Variants in C2orf80 observed in about 807,000 individuals in gnomAD.
The protein encoded by C2orf80 is uncharacterized protein C2orf80.
In C2orf80, 28 loss-of-function variants were observed where a neutral mutation model predicts 30.2. The observed-to-expected ratio is 0.93, with a 90% CI of 0.69 to 1.27. C2orf80 has a LOEUF of 1.27. C2orf80 is among the 50% of genes most tolerant of loss of function. The probability of loss-of-function intolerance (pLI) is 0.00; values close to 1 mark genes in which losing one functional copy is unlikely to be tolerated. For missense variants in C2orf80, 220 were observed against 231.0 expected, an observed-to-expected ratio of 0.95 and a Z score of 0.31; for synonymous variants, 80 against 76.4, an observed-to-expected ratio of 1.05 and a Z score of -0.24.
chr2:208,180,690 C>T, intron 6 of C2orf80, 55 bp downstream of exon 6: 1 of 1,334,632 alleles, frequency 7.5e-7, no homozygotes, highest in South Asian at 1.2e-5. Context: ...CATTTATACA[C>T]TAAATAAATT....
chr2:208,177,741 A>T (rs192326673), intron 6 of C2orf80, among the ~76,000 whole-genome samples: 1 of 152,260 alleles, frequency 6.6e-6, no homozygotes, highest in Admixed American at 6.5e-5. Flanking sequence ...GAGTGATCAG[A>T]TGGATAGGTA....
chr2:208,174,879 C>T (rs1696230967), intron 6 of C2orf80, among the ~76,000 whole-genome samples: 1 of 152,218 alleles, frequency 6.6e-6, no homozygotes, highest in African/African-American at 2.4e-5. Context: ...TGCTCATTTC[C>T]ACTCTCTCTG....
At chr2:208,181,124 A>G in intron 5 of C2orf80, 94 bp downstream of exon 5, 1 of 960,430 alleles carries the variant, frequency 1.0e-6, no homozygotes, top group Admixed American at 2.2e-5. Context: ...ATTTAGAAAC[A>G]TTGGTTGAAA....
rs766985437 is a variant in C2orf80 at position 208,182,962 on chromosome 2, T to C, written c.206+3A>G. On this transcript the variant is annotated splice_donor_region_variant and intron_variant, in intron 4 of 8. Coordinates refer to ENST00000341287, the MANE Select transcript of C2orf80 (RefSeq NM_001099334.3). ...GGAAAGCAACAAACCTACTTCAACT[T>C]ACAGTTCCTCCCACTCCAGCCAAGT... is the stretch of plus-strand genomic sequence containing the variant. 13 of 1,611,370 alleles carry C rather than the reference T, an allele frequency of 8.1e-6. No individual in the cohort carries two copies. The South Asian group carries it at 1.2e-4, about 15-fold the overall frequency.
chr2:208,177,982 A>C (rs1696420238), intron 6 of C2orf80, among the ~76,000 whole-genome samples: 1 of 151,590 alleles, frequency 6.6e-6, no homozygotes, highest in South Asian at 2.1e-4. Flanking sequence ...ACGCCCCGCT[A>C]ATTTTTTGTG....
chr2:208,187,503 T>C (rs1037990488), intron 1 of C2orf80, among the ~76,000 whole-genome samples: 3 of 152,138 alleles, frequency 2.0e-5, no homozygotes, highest in African/African-American at 7.2e-5. Flanking sequence ...ACTCTCCTAT[T>C]GCCAGGAGAT....
At chr2:208,176,949 ATATC>A (rs1696346801) in intron 6 of C2orf80, among the ~76,000 whole-genome samples, 1 of 107,986 alleles carries the variant, frequency 9.3e-6, no homozygotes, top group African/African-American at 3.5e-5. Context: ...ATCTGTATAC[ATATC>A]TGTATACATA....
chr2:208,171,170 G>C, intron 7 of C2orf80, 107 bp from the exon 8 acceptor site: 3 of 796,156 alleles, frequency 3.8e-6, no homozygotes, highest in Non-Finnish European at 6.2e-6. Flanking sequence ...TTTTGAGACA[G>C]GGTCTCACTT....
At chr2:208,171,488 T>C (rs1418941518) in intron 7 of C2orf80, among the ~76,000 whole-genome samples, 3 of 152,088 alleles carry the variant, frequency 2.0e-5, no homozygotes, top group Non-Finnish European at 4.4e-5. Context: ...ACCCAGCTAA[T>C]TTTTGTATTT....
intron 7 of C2orf80, 48 bp downstream of exon 7, chr2:208,171,940 C>T (rs1275977385): frequency 3.4e-6 from 5 of 1,480,550 alleles, no homozygotes; most frequent in Non-Finnish European, 4.7e-6. Context: ...TCCTAATTTC[C>T]TAGTTTGACT....
At chr2:208,166,029 TC>T (rs1695876453) in intron 8 of C2orf80, among the ~76,000 whole-genome samples, 1 of 152,164 alleles carries the variant, frequency 6.6e-6, no homozygotes, top group African/African-American at 2.4e-5. Flanking sequence ...CAATATGTGA[TC>T]CCATACTGGA....
chr2:208,170,091 T>C (rs78933523), intron 8 of C2orf80, among the ~76,000 whole-genome samples: 6,468 of 152,306 alleles, frequency 0.042, 172 homozygotes, highest in Middle Eastern at 0.13. Context: ...TGTTTCCTGA[T>C]GCAAACCCAA....
intron 6 of C2orf80, among the ~76,000 whole-genome samples, chr2:208,176,936 CATA>C (rs1696338371): frequency 1.2e-5 from 1 of 80,398 alleles, no homozygotes; most frequent in Admixed American, 1.1e-4. Context: ...CATATGTATA[CATA>C]TCTGTATACA....
chr2:208,176,645 GCTTCACTGATT>G lies in C2orf80; in HGVS notation c.366+4089_366+4099del, dbSNP rs547746807. Among the ~76,000 whole-genome samples the G allele has an allele frequency of 6.9e-3, 1,057 of 152,096 alleles. 5 individuals carry two copies. Among genetic ancestry groups the G allele is most frequent in the Non-Finnish European group, 0.01 (712 of 67,986 alleles). ...GGTTACCATGGGCCAAACACTAAGG[GCTTCACTGATT>G]CTAACTTACTTCATTCCCACGACAA... On this transcript the variant is annotated intron_variant, in intron 6 of 8. Coordinates refer to ENST00000341287, the MANE Select transcript of C2orf80 (RefSeq NM_001099334.3).
intron 8 of C2orf80, among the ~76,000 whole-genome samples, chr2:208,170,338 G>C (rs1284844685): frequency 6.6e-6 from 1 of 152,186 alleles, no homozygotes; most frequent in East Asian, 1.9e-4. Flanking sequence ...TGAGAGCCCA[G>C]AGCTGGAAGA....
At chr2:208,175,404 C>G (rs1182267010) in intron 6 of C2orf80, among the ~76,000 whole-genome samples, 1 of 152,126 alleles carries the variant, frequency 6.6e-6, no homozygotes, top group East Asian at 1.9e-4. Flanking sequence ...GAATCCTCAG[C>G]AGAAAAAAGC....
At chr2:208,188,676 C>G (rs1696790544) in intron 1 of C2orf80, among the ~76,000 whole-genome samples, 1 of 152,112 alleles carries the variant, frequency 6.6e-6, no homozygotes, top group Admixed American at 6.6e-5. Flanking sequence ...GTCTCCATCT[C>G]CTGACCTTGT....
intron 6 of C2orf80, among the ~76,000 whole-genome samples, chr2:208,178,832 A>T (rs1020588466): frequency 2.6e-5 from 4 of 152,026 alleles, no homozygotes; most frequent in Admixed American, 6.6e-5. Flanking sequence ...ATCTCAGCTC[A>T]CTGCAACGTC....
chr2:208,165,732 T>C lies in C2orf80; in HGVS notation c.*75A>G, dbSNP rs1200202851. 1 of 1,605,406 alleles carries C rather than the reference T, an allele frequency of 6.2e-7. No homozygotes were observed. The highest frequency in any genetic ancestry group is 2.2e-5 in the East Asian group (1 of 44,628). ...TAAAGAAAAATGTACTGGCAAGAGC[T>C]GTGGTTTTAAGATGATGCTTCTCGT... On this transcript the variant is annotated 3_prime_UTR_variant, in exon 9 of 9. Coordinates refer to ENST00000341287, the MANE Select transcript of C2orf80 (RefSeq NM_001099334.3).
Sources: gnomAD v4.1 joint callset for allele counts (sites outside exome capture counted in the v4.1 genomes callset) on GRCh38, gnomAD v4.1.1 for gene constraint, MANE v1.5 for transcripts, NCBI Gene and HGNC (gene_info 2026-07-23, HGNC 2026-07-21) for gene names.